IQCJ: variants seen among roughly 807,000 people sequenced by gnomAD.
IQCJ encodes the protein IQ domain-containing protein J.
Under a neutral mutation model 11.0 loss-of-function variants are expected in IQCJ, and 9 were observed. That is an observed-to-expected ratio of 0.82 (90% CI 0.49 to 1.43). The LOEUF (loss-of-function observed/expected upper bound fraction) is 1.43, where lower values mean the gene tolerates loss of function less well. Ranked by LOEUF, IQCJ falls within the 40% of genes most tolerant of loss-of-function variation. IQCJ has a pLI of 0.00. For synonymous variants in IQCJ, 55 were observed against 51.3 expected (o/e 1.07, Z -0.31); for missense variants, 146 against 133.2 (o/e 1.10, Z -0.47).
chr3:159,199,868 T>C (rs1393311846), intron 1 of IQCJ, among the ~76,000 whole-genome samples: 1 of 151,806 alleles, frequency 6.6e-6, no homozygotes, highest in Non-Finnish European at 1.5e-5. Context: ...CATAGTATAG[T>C]GGCTAAGAGT....
intron 1 of IQCJ, among the ~76,000 whole-genome samples, chr3:159,174,208 C>T (rs1371458947): frequency 1.3e-5 from 2 of 152,034 alleles, no homozygotes; most frequent in East Asian, 3.8e-4. Context: ...CGCTCCTATG[C>T]TTGTTTTATG....
At chr3:159,147,787 T>C (rs1276443375) in intron 1 of IQCJ, among the ~76,000 whole-genome samples, 1 of 152,244 alleles carries the variant, frequency 6.6e-6, no homozygotes, top group Non-Finnish European at 1.5e-5. Context: ...TTATCTTGTC[T>C]ACATAATTTT....
chr3:159,106,260 A>G (rs868454505), intron 1 of IQCJ, among the ~76,000 whole-genome samples: 1 of 152,174 alleles, frequency 6.6e-6, no homozygotes, highest in African/African-American at 2.4e-5. Context: ...CTAGACATTC[A>G]GAGACCTTGT....
intron 1 of IQCJ, among the ~76,000 whole-genome samples, chr3:159,160,462 C>T (rs4680492): frequency 6.6e-6 from 1 of 151,468 alleles, no homozygotes; most frequent in Non-Finnish European, 1.5e-5. Context: ...GCCATCACGC[C>T]CAGCTGATTT....
chr3:159,203,371 C>T (rs1724460993), intron 1 of IQCJ, among the ~76,000 whole-genome samples: 1 of 151,250 alleles, frequency 6.6e-6, no homozygotes, highest in South Asian at 2.1e-4. Context: ...TTCAAATTTA[C>T]AGCAGTAATG....
intron 1 of IQCJ, among the ~76,000 whole-genome samples, chr3:159,087,896 G>T (rs1215235900): frequency 6.7e-6 from 1 of 148,768 alleles, no homozygotes; most frequent in East Asian, 2.0e-4. Context: ...TTTTTTGAAG[G>T]GTTTTTTGTG....
chr3:159,215,478 A>C (rs1213849831), intron 1 of IQCJ, among the ~76,000 whole-genome samples: 1 of 152,198 alleles, frequency 6.6e-6, no homozygotes, highest in Non-Finnish European at 1.5e-5. Flanking sequence ...TATTAAGAGT[A>C]AAATCATAAC....
downstream of IQCJ, chr3:159,265,462 G>A: frequency 7.4e-7 from 1 of 1,357,166 alleles, no homozygotes; most frequent in Non-Finnish European, 1.0e-6. Flanking sequence ...GACTAAGCCT[G>A]TCATCAAGAA....
intron 1 of IQCJ, among the ~76,000 whole-genome samples, chr3:159,078,363 T>A (rs183186155): frequency 2.5e-4 from 38 of 152,214 alleles, no homozygotes; most frequent in Non-Finnish European, 5.0e-4. Context: ...TCCTTGCCCT[T>A]TGTACTTTCA....
chr3:159,152,466 C>G (rs1354118514), intron 1 of IQCJ, among the ~76,000 whole-genome samples: 1 of 152,090 alleles, frequency 6.6e-6, no homozygotes, highest in Non-Finnish European at 1.5e-5. Flanking sequence ...TGTGTCTGAA[C>G]TAGGAGAGAC....
chr3:159,203,631 G>C (rs1724479313), intron 1 of IQCJ, among the ~76,000 whole-genome samples: 1 of 152,104 alleles, frequency 6.6e-6, no homozygotes, highest in African/African-American at 2.4e-5. Flanking sequence ...AAAGACAGGG[G>C]AGGAGGTGGG....
At chr3:159,148,835 AT>A (rs1470881343) in intron 1 of IQCJ, among the ~76,000 whole-genome samples, 2 of 152,230 alleles carry the variant, frequency 1.3e-5, no homozygotes, top group Non-Finnish European at 2.9e-5. Flanking sequence ...GTTATATAAA[AT>A]TTCAGCTTTC....
At position 159,247,591 on chromosome 3, in the gene IQCJ, G is replaced by A. The variant is rs73877572; in HGVS notation, c.74+1684G>A. On this transcript the variant is annotated intron_variant, in intron 2 of 3. Coordinates refer to ENST00000397832, the MANE Select transcript of IQCJ (RefSeq NM_001042706.3). ...AGATTCTTCTTGGCCTCTCTGTGCA[G>A]CATTCCTTCCTCTTGGGCATGGGGC... Among the ~76,000 whole-genome samples, 1,472 of 152,310 alleles carry A rather than the reference G, an allele frequency of 9.7e-3. 27 individuals carry two copies. Among genetic ancestry groups the A allele is most frequent in the African/African-American group, 0.034 (1,419 of 41,562 alleles).
chr3:159,179,513 G>C (rs1201606402), intron 1 of IQCJ, among the ~76,000 whole-genome samples: 4 of 151,294 alleles, frequency 2.6e-5, no homozygotes, highest in Non-Finnish European at 2.9e-5. Context: ...AGTTACTTTA[G>C]GGAAAATAAA....
intron 3 of IQCJ, among the ~76,000 whole-genome samples, chr3:159,260,204 C>T (rs935819333): frequency 1.3e-5 from 2 of 152,136 alleles, no homozygotes; most frequent in Non-Finnish European, 2.9e-5. Context: ...GCAAACCTCT[C>T]ATCTCAGTTT....
At chr3:159,257,587 G>C (rs756916259) in intron 3 of IQCJ, among the ~76,000 whole-genome samples, 18 of 152,162 alleles carry the variant, frequency 1.2e-4, no homozygotes, top group South Asian at 2.1e-4. Flanking sequence ...AAGCAGGCTG[G>C]AAAGAGAGGG....
At chr3:159,101,193 T>A (rs1030622290) in intron 1 of IQCJ, among the ~76,000 whole-genome samples, 2 of 144,830 alleles carry the variant, frequency 1.4e-5, no homozygotes, top group African/African-American at 2.6e-5. Flanking sequence ...CCCTTGCGCT[T>A]CCCAGGTGAG....
At chr3:159,262,059 C>T (rs1444670420) in intron 3 of IQCJ, among the ~76,000 whole-genome samples, 4 of 152,212 alleles carry the variant, frequency 2.6e-5, no homozygotes, top group Non-Finnish European at 4.4e-5. Context: ...TGCAGTCATG[C>T]AAAGGACTGC....
intron 1 of IQCJ, among the ~76,000 whole-genome samples, chr3:159,144,651 TACACAC>T (rs1720819860): frequency 1.3e-5 from 1 of 75,658 alleles, no homozygotes; most frequent in East Asian, 7.0e-4. Context: ...TACACACACA[TACACAC>T]ACAGACACAC....
Sources: gnomAD v4.1 joint callset for allele counts (sites outside exome capture counted in the v4.1 genomes callset) on GRCh38, gnomAD v4.1.1 for gene constraint, MANE v1.5 for transcripts, NCBI Gene and HGNC (gene_info 2026-07-23, HGNC 2026-07-21) for gene names.